Variants in ZNF385D observed in about 807,000 individuals in gnomAD.
ZNF385D encodes zinc finger protein 659.
In ZNF385D, 15 loss-of-function variants were observed where a neutral mutation model predicts 35.8. The observed-to-expected ratio is 0.42, with a 90% CI of 0.28 to 0.64. ZNF385D has a LOEUF of 0.64. Ranked by LOEUF, ZNF385D falls within the 30% of genes least tolerant of loss-of-function variation. The pLI is 0.23. For synonymous variants in ZNF385D, 212 were observed against 186.8 expected, an observed-to-expected ratio of 1.13 and a Z score of -1.10; for missense variants, 474 against 494.6, an observed-to-expected ratio of 0.96 and a Z score of 0.39.
chr3:22,101,549 C>T (rs1024846651), intron 3 of ZNF385D, among the ~76,000 whole-genome samples: 1 of 152,088 alleles, frequency 6.6e-6, no homozygotes, highest in African/African-American at 2.4e-5. Context: ...TACACCCACA[C>T]TGAACCATTT....
chr3:21,838,346 G>T (rs528914312), intron 3 of ZNF385D, among the ~76,000 whole-genome samples: 1 of 152,024 alleles, frequency 6.6e-6, no homozygotes, highest in African/African-American at 2.4e-5. Context: ...AGTTATGTAT[G>T]GTATATATGC....
In ZNF385D at chr3:21,474,246, A is replaced by G. The variant is rs368328843; in HGVS notation, c.439+36615T>C. ...AACCTAAAGGAATGTCTCTATCCAC[A>G]GTGGCAGGAGAAGTTTCCCCAGACT... On this transcript the variant is annotated intron_variant, in intron 4 of 7. Coordinates refer to ENST00000281523, the MANE Select transcript of ZNF385D (RefSeq NM_024697.3). Among the ~76,000 whole-genome samples the G allele has an allele frequency of 2.0e-5, 3 of 152,046 alleles. No individual in the cohort carries two copies. In the South Asian group the frequency reaches 6.2e-4, roughly 32 times the overall value.
At chr3:21,982,891 A>G (rs977795009) in intron 3 of ZNF385D, among the ~76,000 whole-genome samples, 11 of 151,762 alleles carry the variant, frequency 7.2e-5, no homozygotes, top group Admixed American at 1.3e-4. Context: ...GATGAATCAC[A>G]TTTATTGATT....
At chr3:21,607,068 A>G (rs2064505593) in intron 2 of ZNF385D, among the ~76,000 whole-genome samples, 17 of 152,228 alleles carry the variant, frequency 1.1e-4, no homozygotes, top group Admixed American at 1.1e-3. Context: ...TAGACAATTT[A>G]TTTAACACTA....
chr3:22,124,523 G>A (rs968221582), intron 3 of ZNF385D, among the ~76,000 whole-genome samples: 4 of 152,020 alleles, frequency 2.6e-5, no homozygotes, highest in African/African-American at 9.7e-5. Flanking sequence ...CATAGTGGCT[G>A]TACTAATTTA....
intron 2 of ZNF385D, among the ~76,000 whole-genome samples, chr3:22,316,596 G>C (rs1056169730): frequency 6.6e-6 from 1 of 152,148 alleles, no homozygotes; most frequent in Non-Finnish European, 1.5e-5. Flanking sequence ...AGTTTGGCCT[G>C]TGTTTGAGTC....
chr3:22,209,707 A>G (rs1697391620), intron 2 of ZNF385D, among the ~76,000 whole-genome samples: 1 of 151,808 alleles, frequency 6.6e-6, no homozygotes, highest in South Asian at 2.1e-4. Flanking sequence ...TTCCACCAAC[A>G]TCCTTTAGGT....
At chr3:21,920,159 T>C (rs1564410) in intron 3 of ZNF385D, among the ~76,000 whole-genome samples, 81,064 of 151,714 alleles carry the variant, frequency 0.53, 23,687 homozygotes, top group South Asian at 0.66. Flanking sequence ...CCCCCAAAGA[T>C]TAAACTATGT....
At chr3:22,123,069 G>A (rs1168377110) in intron 3 of ZNF385D, among the ~76,000 whole-genome samples, 1 of 152,286 alleles carries the variant, frequency 6.6e-6, no homozygotes, top group African/African-American at 2.4e-5. Context: ...AAGAAGAATA[G>A]CATCTGACAT....
intron 3 of ZNF385D, among the ~76,000 whole-genome samples, chr3:22,096,140 G>A (rs1411044014): frequency 6.6e-6 from 1 of 151,642 alleles, no homozygotes; most frequent in Non-Finnish European, 1.5e-5. Flanking sequence ...ATATATACAT[G>A]TTTAATAATT....
chr3:22,340,794 G>C (rs1695386934), intron 2 of ZNF385D, among the ~76,000 whole-genome samples: 1 of 152,188 alleles, frequency 6.6e-6, no homozygotes, highest in Admixed American at 6.5e-5. Flanking sequence ...CACATATAAA[G>C]GATAAGGAAT....
chr3:22,107,552 T>C (rs1202588857), intron 3 of ZNF385D, among the ~76,000 whole-genome samples: 1 of 152,108 alleles, frequency 6.6e-6, no homozygotes, highest in Non-Finnish European at 1.5e-5. Context: ...GAACCTAACC[T>C]GAGATGACTT....
At chr3:21,974,715 A>C (rs1312788941) in intron 3 of ZNF385D, among the ~76,000 whole-genome samples, 1 of 152,182 alleles carries the variant, frequency 6.6e-6, no homozygotes, top group Non-Finnish European at 1.5e-5. Context: ...GAGCTCAGAC[A>C]ACTCAATAAG....
At chr3:22,202,700 C>G (rs528479109) in intron 2 of ZNF385D, among the ~76,000 whole-genome samples, 118 of 152,068 alleles carry the variant, frequency 7.8e-4, no homozygotes, top group Admixed American at 1.2e-3. Flanking sequence ...CTCTCCTGTC[C>G]CCTAGCAGCA....
Position 22,290,749 on chromosome 3 carries a change from C to T in ZNF385D, c.106+81701G>A, listed in dbSNP as rs190640001. On this transcript the variant is annotated intron_variant, in intron 2 of 5. Coordinates refer to the ZNF385D transcript ENST00000494108. Reference sequence around the variant, plus strand: ...TGTAGGATTTTCTCAACTTGTTTATCTCAGAAGTAATTGATCTGTGTGTAG... The same window carrying T: ...TGTAGGATTTTCTCAACTTGTTTATTTCAGAAGTAATTGATCTGTGTGTAG... 2.7e-3 allele frequency among the ~76,000 whole-genome samples: 409 copies of T among 152,184 alleles called. 1 individual carries two copies. The Middle Eastern group carries it at 0.027, about 10-fold the overall frequency.
At chr3:22,138,323 G>T (rs980301535) in intron 3 of ZNF385D, among the ~76,000 whole-genome samples, 4 of 152,100 alleles carry the variant, frequency 2.6e-5, no homozygotes, top group Non-Finnish European at 5.9e-5. Context: ...CTACTTTACA[G>T]TTCATATGGA....
At chr3:22,036,288 T>A (rs1431688443) in intron 3 of ZNF385D, among the ~76,000 whole-genome samples, 3 of 152,140 alleles carry the variant, frequency 2.0e-5, no homozygotes, top group Admixed American at 2.0e-4. Flanking sequence ...CAGATCACAG[T>A]TAATCAACCA....
chr3:22,050,006 TATC>T (rs1393320986), intron 3 of ZNF385D, among the ~76,000 whole-genome samples: 1 of 152,194 alleles, frequency 6.6e-6, no homozygotes, highest in East Asian at 1.9e-4. Context: ...ATAATGCTAG[TATC>T]ATCGTAATGT....
At chr3:21,466,555 A>G (rs1390587734) in intron 4 of ZNF385D, among the ~76,000 whole-genome samples, 1 of 152,256 alleles carries the variant, frequency 6.6e-6, no homozygotes, top group African/African-American at 2.4e-5. Context: ...ACCACACAAC[A>G]TCATGACATT....
Sources: allele counts gnomAD v4.1 joint callset (sites outside exome capture counted in the v4.1 genomes callset), GRCh38; gene constraint gnomAD v4.1.1; transcripts MANE v1.5; gene names NCBI Gene and HGNC (gene_info 2026-07-23, HGNC 2026-07-21).